The following TENM2 variants were observed in gnomAD, a reference collection of about 807,000 sequenced individuals.
TENM2 encodes teneurin-2.
TENM2 carries 52 observed loss-of-function variants against 245.2 expected under a neutral mutation model. That is an observed-to-expected ratio of 0.21 (90% CI 0.17 to 0.27). The LOEUF (loss-of-function observed/expected upper bound fraction) is 0.27, where lower values mean the gene tolerates loss of function less well. Among genes scored for constraint, TENM2 ranks in the 10% least tolerant of loss-of-function variants. TENM2 has a pLI of 1.00. For missense variants in TENM2, 3,046 were observed against 3,666.8 expected (o/e 0.83, Z 4.37); for synonymous variants, 1,363 against 1,438.9 (o/e 0.95, Z 1.19).
At chr5:167,418,712 T>C (rs761147661) in intron 2 of TENM2, among the ~76,000 whole-genome samples, 1 of 152,158 alleles carries the variant, frequency 6.6e-6, no homozygotes, top group Non-Finnish European at 1.5e-5. Flanking sequence ...TTTTGTTCCA[T>C]AAAAAATGTC....
intron 1 of TENM2, among the ~76,000 whole-genome samples, chr5:167,299,472 ATG>A (rs1177604566): frequency 9.2e-5 from 14 of 152,150 alleles, no homozygotes; most frequent in Non-Finnish European, 4.4e-5. Flanking sequence ...CTCGAGCTTG[ATG>A]TGTGTAGGGA....
At chr5:167,929,117 G>GAAAGA (rs1778069448) in intron 3 of TENM2, among the ~76,000 whole-genome samples, 3 of 67,208 alleles carry the variant, frequency 4.5e-5, no homozygotes, top group Non-Finnish European at 8.7e-5. Flanking sequence ...AAGAAAGAAA[G>GAAAGA]AAAGAAAGAA....
At chr5:168,182,977 C>T (rs570891712) in intron 13 of TENM2, among the ~76,000 whole-genome samples, 89 of 152,144 alleles carry the variant, frequency 5.8e-4, no homozygotes, top group Non-Finnish European at 8.4e-4. Flanking sequence ...ACCACAAGTG[C>T]GCGCCACCAT....
intron 2 of TENM2, among the ~76,000 whole-genome samples, chr5:167,491,664 A>G (rs769195224): frequency 4.6e-5 from 7 of 152,134 alleles, no homozygotes; most frequent in Non-Finnish European, 1.0e-4. Flanking sequence ...TTGTTTTGCT[A>G]TATACCTACA....
At chr5:167,047,416 A>G in the TENM2 span, among the ~76,000 whole-genome samples, 1 of 113,398 alleles carries the variant, frequency 8.8e-6, no homozygotes, top group Admixed American at 8.8e-5. Flanking sequence ...TGTGAGAATT[A>G]CAAAGAAAGT....
At chr5:167,034,799 A>T in the TENM2 span, among the ~76,000 whole-genome samples, 2 of 152,094 alleles carry the variant, frequency 1.3e-5, no homozygotes. Context: ...ACCCTACTTC[A>T]CTTGATTTGA....
At chr5:167,198,005 G>C in the TENM2 span, among the ~76,000 whole-genome samples, 2 of 151,894 alleles carry the variant, frequency 1.3e-5, no homozygotes, top group Non-Finnish European at 2.9e-5. Context: ...ATTTGTCATA[G>C]CCTGAGAAGG....
intron 2 of TENM2, among the ~76,000 whole-genome samples, chr5:167,651,799 T>A (rs1754487087): frequency 6.6e-6 from 1 of 152,114 alleles, no homozygotes. Flanking sequence ...TTCTTTCTGT[T>A]CTGAACACAC....
chr5:167,896,848 A>G (rs1775263549), intron 3 of TENM2, among the ~76,000 whole-genome samples: 1 of 152,194 alleles, frequency 6.6e-6, no homozygotes, highest in South Asian at 2.1e-4. Flanking sequence ...GGAAACTCCG[A>G]AAGCTGTTAG....
chr5:167,705,338 A>G (rs892841039), intron 2 of TENM2, among the ~76,000 whole-genome samples: 3 of 152,184 alleles, frequency 2.0e-5, no homozygotes, highest in Non-Finnish European at 4.4e-5. Context: ...AATTATCAAG[A>G]TCTTGACTTC....
At chr5:167,509,472 G>C (rs1769776258) in intron 2 of TENM2, among the ~76,000 whole-genome samples, 1 of 152,138 alleles carries the variant, frequency 6.6e-6, no homozygotes, top group Admixed American at 6.5e-5. Flanking sequence ...CAAATTTTAA[G>C]GTAGGTGCCT....
chr5:167,600,847 T>A (rs779428209), intron 2 of TENM2, among the ~76,000 whole-genome samples: 1 of 152,258 alleles, frequency 6.6e-6, no homozygotes, highest in Non-Finnish European at 1.5e-5. Flanking sequence ...CCTAGACAGA[T>A]GAGACTGTGG....
the TENM2 span, among the ~76,000 whole-genome samples, chr5:167,106,744 G>T: frequency 2.0e-5 from 3 of 151,726 alleles, no homozygotes; most frequent in Non-Finnish European, 4.4e-5. Flanking sequence ...CTGGGCTGTG[G>T]CAATAGAGGT....
At chr5:167,292,812 A>G (rs1340335075) in intron 1 of TENM2, among the ~76,000 whole-genome samples, 1 of 152,230 alleles carries the variant, frequency 6.6e-6, no homozygotes, top group Non-Finnish European at 1.5e-5. Context: ...GGTTTTGGAG[A>G]GACCTCTAAC....
intron 2 of TENM2, among the ~76,000 whole-genome samples, chr5:167,710,755 A>G (rs1235147187): frequency 1.3e-5 from 2 of 152,194 alleles, no homozygotes; most frequent in Non-Finnish European, 2.9e-5. Flanking sequence ...GAAAGGTTTT[A>G]AGCAAAGGAA....
chr5:167,590,907 C>G (rs925536378), intron 2 of TENM2, among the ~76,000 whole-genome samples: 1 of 152,146 alleles, frequency 6.6e-6, no homozygotes, highest in Admixed American at 6.5e-5. Context: ...CATCTACTTT[C>G]TTCTCTTCTT....
intron 2 of TENM2, among the ~76,000 whole-genome samples, chr5:167,774,060 C>T (rs1459748998): frequency 2.0e-5 from 3 of 150,440 alleles, no homozygotes; most frequent in East Asian, 3.9e-4. Flanking sequence ...CACATGCCAA[C>T]AGCAAAAGCT....
rs2617967 is a variant in TENM2 at position 168,025,640 on chromosome 5, T to C, written c.1187-21787T>C. Among the ~76,000 whole-genome samples the C allele has an allele frequency of 5.8e-3, 882 of 152,288 alleles. 11 individuals are homozygous for C. Among genetic ancestry groups the C allele is most frequent in the African/African-American group, 0.02 (834 of 41,556 alleles). On this transcript the variant is annotated intron_variant, in intron 5 of 28. Coordinates refer to ENST00000518659, the Ensembl canonical transcript of TENM2. ...TCCTTCCATGTTCTCTTGACTACCA[T>C]ATGTGCTTGGGTTCCAAAGAGCAAA...
the TENM2 span, among the ~76,000 whole-genome samples, chr5:167,158,854 T>TCCTTCCTG: frequency 2.1e-4 from 23 of 111,410 alleles, no homozygotes; most frequent in South Asian, 3.7e-4. Context: ...AGCCCTTCCT[T>TCCTTCCTG]CCTTCCTTCC....
Sources: allele counts gnomAD v4.1 joint callset (sites outside exome capture counted in the v4.1 genomes callset), GRCh38; gene constraint gnomAD v4.1.1; transcripts MANE v1.5; gene names NCBI Gene and HGNC (gene_info 2026-07-23, HGNC 2026-07-21).